DGKB: variants seen among roughly 807,000 people sequenced by gnomAD.
DGKB encodes 90 kDa diacylglycerol kinase.
In DGKB, 67 loss-of-function variants were observed where a neutral mutation model predicts 114.3. The ratio of observed to expected loss-of-function variants is 0.59; its 90% CI spans 0.48 to 0.72. The LOEUF (loss-of-function observed/expected upper bound fraction) is 0.72. DGKB is among the 30% of genes least tolerant of loss of function. DGKB has a pLI of 0.00. For missense variants in DGKB, 907 were observed against 975.2 expected, an observed-to-expected ratio of 0.93 and a Z score of 0.93; for synonymous variants, 398 against 323.1, an observed-to-expected ratio of 1.23 and a Z score of -2.49.
At chr7:14,597,007 A>T (rs1483115587) in intron 17 of DGKB, among the ~76,000 whole-genome samples, 1 of 152,200 alleles carries the variant, frequency 6.6e-6, no homozygotes, top group East Asian at 1.9e-4. Context: ...GAAGTTGAAG[A>T]TTCATTGCCT....
chr7:14,654,237 C>T (rs1339778685), intron 13 of DGKB, among the ~76,000 whole-genome samples: 3 of 151,862 alleles, frequency 2.0e-5, no homozygotes, highest in African/African-American at 7.3e-5. Context: ...TTCCTATTTA[C>T]CAAAAACAAG....
chr7:14,210,370 G>C, intron 23 of DGKB, among the ~76,000 whole-genome samples: 1 of 152,104 alleles, frequency 6.6e-6, no homozygotes, highest in East Asian at 1.9e-4. Context: ...AGACTAATTA[G>C]AAGATAGCAC....
chr7:14,244,669 C>CAAAAAAAAAAAA (rs34364672), intron 23 of DGKB, among the ~76,000 whole-genome samples: 1 of 46,398 alleles, frequency 2.2e-5, no homozygotes, highest in African/African-American at 8.3e-5. Flanking sequence ...GACTCTGTCT[C>CAAAAAAAAAAAA]AAAAAAAAAA....
intron 23 of DGKB, among the ~76,000 whole-genome samples, chr7:14,211,044 G>A (rs1216445238): frequency 6.6e-6 from 1 of 152,046 alleles, no homozygotes; most frequent in Non-Finnish European, 1.5e-5. Flanking sequence ...CCAGGGTGAA[G>A]GTGTTCTTTC....
At chr7:14,755,033 C>T (rs905765558) in intron 3 of DGKB, among the ~76,000 whole-genome samples, 24 of 152,134 alleles carry the variant, frequency 1.6e-4, no homozygotes, top group African/African-American at 5.5e-4. Context: ...CAAATCATTT[C>T]ACTTTTCTTA....
intron 20 of DGKB, among the ~76,000 whole-genome samples, chr7:14,513,646 C>G (rs1788322030): frequency 1.3e-5 from 2 of 151,888 alleles, no homozygotes; most frequent in South Asian, 4.1e-4. Context: ...TAAACAAGAG[C>G]AGTGTCAAAT....
At chr7:14,848,436 T>C (rs1292358142) in intron 1 of DGKB, among the ~76,000 whole-genome samples, 2 of 152,190 alleles carry the variant, frequency 1.3e-5, no homozygotes. Context: ...GAGATGATTA[T>C]CATATATCTG....
At chr7:14,815,638 T>TA (rs1465993223) in intron 2 of DGKB, among the ~76,000 whole-genome samples, 2 of 152,224 alleles carry the variant, frequency 1.3e-5, no homozygotes, top group Non-Finnish European at 2.9e-5. Context: ...TCCTGATCTC[T>TA]AGGAGTGGCT....
In DGKB at chr7:14,753,967, A is replaced by C. The variant is rs1000977850; in HGVS notation, c.148-19T>G. 2.0e-6 allele frequency: 3 copies of C among 1,493,640 alleles called. No homozygotes were observed. The highest frequency in any genetic ancestry group is 2.8e-6 in the Non-Finnish European group (3 of 1,087,750). 92.5% of individuals were successfully genotyped at this position (1,493,640 alleles called of 1,614,324 possible). On this transcript the variant is annotated intron_variant, in intron 3 of 25. Coordinates refer to ENST00000402815, the MANE Select transcript of DGKB (RefSeq NM_001350709.2). ...CTTGTTTCTGTGCATGCAAGGAAAG[A>C]AAGAATACATGTGTTAATGTAAGAT...
At chr7:14,255,657 C>G (rs1795859037) in intron 23 of DGKB, among the ~76,000 whole-genome samples, 1 of 151,990 alleles carries the variant, frequency 6.6e-6, no homozygotes, top group African/African-American at 2.4e-5. Context: ...AGATCCTGAA[C>G]TTAATGTTAA....
At chr7:14,439,698 T>C (rs1407329865) in intron 21 of DGKB, among the ~76,000 whole-genome samples, 1 of 132,844 alleles carries the variant, frequency 7.5e-6, no homozygotes, top group African/African-American at 2.7e-5. Flanking sequence ...ACCCCATCTC[T>C]ACTAAAAGTG....
intron 1 of DGKB, among the ~76,000 whole-genome samples, chr7:14,898,599 C>A (rs1782486778): frequency 6.6e-6 from 1 of 151,968 alleles, no homozygotes; most frequent in South Asian, 2.1e-4. Context: ...AGGAAGGGAG[C>A]CAATGAGCAA....
At chr7:14,339,114 AAGGT>A (rs1415601246) in intron 22 of DGKB, among the ~76,000 whole-genome samples, 8 of 152,002 alleles carry the variant, frequency 5.3e-5, no homozygotes, top group African/African-American at 7.2e-5. Flanking sequence ...AACACACTGC[AAGGT>A]ACTATTGGGG....
At chr7:14,570,295 C>A (rs1798185648) in intron 20 of DGKB, among the ~76,000 whole-genome samples, 1 of 151,850 alleles carries the variant, frequency 6.6e-6, no homozygotes, top group Admixed American at 6.6e-5. Context: ...TTACTCTCTG[C>A]CATTTTCTGT....
At chr7:14,565,190 T>A (rs1373597897) in intron 20 of DGKB, among the ~76,000 whole-genome samples, 5 of 152,008 alleles carry the variant, frequency 3.3e-5, no homozygotes, top group African/African-American at 4.8e-5. Context: ...CTACTGAAAA[T>A]TTTTCCACCA....
In DGKB at chr7:14,470,168, G is replaced by A. The variant is rs182176203; in HGVS notation, c.1835+7993C>T. Among the ~76,000 whole-genome samples, 855 of 151,786 alleles carry A rather than the reference G, an allele frequency of 5.6e-3. 5 individuals are homozygous for A. The highest frequency in any genetic ancestry group is 8.8e-3 in the Non-Finnish European group (594 of 67,754). On this transcript the variant is annotated intron_variant, in intron 21 of 25. Transcript: ENST00000402815. ...AACTAAAGACATAAAAGTGCTTTAG[G>A]ACATGAAACTCTCATGAAGATATGA...
chr7:14,700,193 T>C (rs1824880027), intron 7 of DGKB, among the ~76,000 whole-genome samples: 1 of 149,738 alleles, frequency 6.7e-6, no homozygotes. Context: ...CACTTAAAAA[T>C]AATAGCATTT....
intron 21 of DGKB, among the ~76,000 whole-genome samples, chr7:14,388,898 T>C (rs1820866099): frequency 6.6e-6 from 1 of 152,130 alleles, no homozygotes; most frequent in African/African-American, 2.4e-5. Flanking sequence ...CAGAGGGCTT[T>C]TATATAGAAT....
At chr7:14,504,131 G>T (rs1786641149) in intron 20 of DGKB, among the ~76,000 whole-genome samples, 1 of 152,160 alleles carries the variant, frequency 6.6e-6, no homozygotes, top group South Asian at 2.1e-4. Context: ...CTATATCATA[G>T]TAGAAACAAA....
Sources: gnomAD v4.1 joint callset for allele counts (sites outside exome capture counted in the v4.1 genomes callset) on GRCh38, gnomAD v4.1.1 for gene constraint, MANE v1.5 for transcripts, NCBI Gene and HGNC (gene_info 2026-07-23, HGNC 2026-07-21) for gene names.